The following ERMP1 variants were observed in gnomAD, a reference collection of about 807,000 sequenced individuals.
The protein encoded by ERMP1 is Felix-ina.
A neutral mutation model predicts 92.0 loss-of-function variants in ERMP1; 86 were observed. The ratio of observed to expected loss-of-function variants is 0.93; its 90% CI spans 0.79 to 1.12. The LOEUF (loss-of-function observed/expected upper bound fraction) is 1.12, where lower values mean the gene tolerates loss of function less well. Among genes scored for constraint, ERMP1 ranks in the 50% most tolerant of loss-of-function variants. The pLI is 0.00. For missense variants in ERMP1, 1,342 were observed against 1,116.3 expected (o/e 1.20, Z -2.88); for synonymous variants, 530 against 412.8 (o/e 1.28, Z -3.44).
chr9:5,860,285 G>C (rs1830446395), intron 5 of ERMP1, among the ~76,000 whole-genome samples: 1 of 143,388 alleles, frequency 7.0e-6, no homozygotes, highest in Admixed American at 7.0e-5. Context: ...GCCAGACCCT[G>C]TTTCCAAAAA....
At chr9:5,831,602 T>C (rs1829942116) in intron 1 of ERMP1, among the ~76,000 whole-genome samples, 1 of 152,064 alleles carries the variant, frequency 6.6e-6, no homozygotes, top group Non-Finnish European at 1.5e-5. Context: ...CCAGGCCCTG[T>C]CTCAGAAAAC....
At chr9:5,851,989 A>G (rs1338858154) in intron 6 of ERMP1, among the ~76,000 whole-genome samples, 2 of 152,212 alleles carry the variant, frequency 1.3e-5, no homozygotes, top group African/African-American at 4.8e-5. Flanking sequence ...ATGACCTTAT[A>G]AATAAAAAAG....
upstream of ERMP1, among the ~76,000 whole-genome samples, chr9:5,833,996 G>C (rs1002861336): frequency 6.6e-6 from 1 of 152,192 alleles, no homozygotes; most frequent in East Asian, 1.9e-4. Context: ...ACATTAGCAT[G>C]AGCATTAACC....
Position 5,832,715 on chromosome 9 carries a change from C to G in ERMP1, c.313G>C (p.Gly105Arg). 1 of 1,486,770 alleles carries G rather than the reference C, an allele frequency of 6.7e-7. No homozygotes were observed. The allele number at this position is 1,486,770 out of a possible 1,614,324, so 92.1% of individuals were successfully genotyped here. Residue 105 changes from glycine (G) to arginine (R), a missense_variant, in exon 1 of 15, where the codon GGG (glycine) becomes CGG (arginine). By Grantham distance (125) the Gly-to-Arg change is moderately radical. Transcript: ENST00000339450. Reference sequence around the variant, plus strand: ...CTGGCTTGGAGCGCGTCGAACTCCCCGCGGTGTCCAGCGGCCCCGCGTAGC... The same window carrying G: ...CTGGCTTGGAGCGCGTCGAACTCCCGGCGGTGTCCAGCGGCCCCGCGTAGC... ...LVLRGAAGHR[G>R]EFDALQARDY...
chr9:5,845,054 T>G (rs950430881), intron 6 of ERMP1, among the ~76,000 whole-genome samples: 1 of 151,828 alleles, frequency 6.6e-6, no homozygotes, highest in Non-Finnish European at 1.5e-5. Flanking sequence ...TGGGGCAGTA[T>G]AGGGCCTTTG....
chr9:5,801,784 G>GATGT (rs1828682058), intron 10 of ERMP1, among the ~76,000 whole-genome samples: 2 of 152,062 alleles, frequency 1.3e-5, no homozygotes, highest in African/African-American at 4.8e-5. Context: ...CTGGCATAGA[G>GATGT]ATGTACCTTC....
At chr9:5,830,705 T>G (rs1479557135) in intron 2 of ERMP1, 22 bp downstream of exon 2, 1 of 1,574,994 alleles carries the variant, frequency 6.3e-7, no homozygotes, top group Admixed American at 1.8e-5. Context: ...AAGTTCCAAA[T>G]GACTAAAAAA....
chr9:5,849,194 TG>T (rs1310751581), intron 6 of ERMP1, among the ~76,000 whole-genome samples: 1 of 152,166 alleles, frequency 6.6e-6, no homozygotes, highest in Non-Finnish European at 1.5e-5. Flanking sequence ...AGCTAATTTT[TG>T]TATTTTTAGT....
chr9:5,865,059 G>A (rs1010908539), intron 5 of ERMP1, among the ~76,000 whole-genome samples: 4 of 152,150 alleles, frequency 2.6e-5, no homozygotes, highest in African/African-American at 9.7e-5. Context: ...TAGAAATGCG[G>A]TAGTAAATTA....
At chr9:5,859,321 T>C (rs1381676344) in intron 6 of ERMP1, among the ~76,000 whole-genome samples, 3 of 152,090 alleles carry the variant, frequency 2.0e-5, no homozygotes, top group Non-Finnish European at 4.4e-5. Flanking sequence ...CTTTTAACCT[T>C]TCAAAGCACT....
intron 8 of ERMP1, among the ~76,000 whole-genome samples, chr9:5,806,360 T>C (rs1828869965): frequency 6.6e-6 from 1 of 152,190 alleles, no homozygotes; most frequent in South Asian, 2.1e-4. Flanking sequence ...CTTACAGTTT[T>C]TGAGATTTAA....
chr9:5,822,853 T>C (rs771479746), intron 4 of ERMP1, among the ~76,000 whole-genome samples: 4 of 152,212 alleles, frequency 2.6e-5, no homozygotes, highest in Non-Finnish European at 5.9e-5. Flanking sequence ...TTTGCATGTG[T>C]GAAAAATCAG....
At chr9:5,810,997 A>G (rs530607174) in intron 7 of ERMP1, 114 bp downstream of exon 7, 1 of 657,596 alleles carries the variant, frequency 1.5e-6, no homozygotes, top group African/African-American at 1.8e-5. Flanking sequence ...ATATAAAGCA[A>G]ACATTGTCTT....
At chr9:5,827,831 C>T (rs1169117025) in intron 2 of ERMP1, among the ~76,000 whole-genome samples, 2 of 148,732 alleles carry the variant, frequency 1.3e-5, no homozygotes, top group African/African-American at 5.0e-5. Context: ...AAAAAAAATT[C>T]GCAAGGCATG....
chr9:5,861,682 G>A (rs932809251), intron 5 of ERMP1, among the ~76,000 whole-genome samples: 2 of 149,298 alleles, frequency 1.3e-5, no homozygotes, highest in African/African-American at 4.9e-5. Flanking sequence ...AGTGCAGGCA[G>A]AGCTCTAGTG....
intron 13 of ERMP1, among the ~76,000 whole-genome samples, chr9:5,793,548 A>G (rs1476611447): frequency 3.9e-5 from 6 of 152,172 alleles, no homozygotes; most frequent in Non-Finnish European, 8.8e-5. Flanking sequence ...TGTTGTCTAC[A>G]GAAAACCCAT....
chr9:5,826,650 C>T (rs1829740908), intron 2 of ERMP1, among the ~76,000 whole-genome samples: 1 of 151,930 alleles, frequency 6.6e-6, no homozygotes, highest in Non-Finnish European at 1.5e-5. Flanking sequence ...GTATTTCAAT[C>T]GAAGTGAAAC....
intron 2 of ERMP1, among the ~76,000 whole-genome samples, chr9:5,827,660 G>C (rs1829775540): frequency 6.6e-6 from 1 of 151,552 alleles, no homozygotes; most frequent in Non-Finnish European, 1.5e-5. Context: ...AGGAGATTGA[G>C]ACCATCCTGG....
At chr9:5,847,396 A>C (rs1830250371) in intron 6 of ERMP1, among the ~76,000 whole-genome samples, 2 of 151,908 alleles carry the variant, frequency 1.3e-5, no homozygotes, top group Admixed American at 6.6e-5. Flanking sequence ...ATGTCACCAC[A>C]CCCAGCTAAT....
Sources: gnomAD v4.1 joint callset for allele counts (sites outside exome capture counted in the v4.1 genomes callset) on GRCh38, gnomAD v4.1.1 for gene constraint, MANE v1.5 for transcripts, NCBI Gene and HGNC (gene_info 2026-07-23, HGNC 2026-07-21) for gene names.